Variants in DNAJC1 observed in about 807,000 individuals in gnomAD.
DNAJC1 encodes dnaJ homolog subfamily C member 1.
DNAJC1 carries 58 observed loss-of-function variants against 76.6 expected under a neutral mutation model. The ratio of observed to expected loss-of-function variants is 0.76; its 90% CI spans 0.61 to 0.94. DNAJC1 has a LOEUF of 0.94. DNAJC1 is among the 40% of genes least tolerant of loss of function. The pLI, the probability that DNAJC1 is intolerant of heterozygous loss-of-function variation, is 0.00. For missense variants in DNAJC1, 689 were observed against 677.3 expected, an observed-to-expected ratio of 1.02 and a Z score of -0.19; for synonymous variants, 258 against 267.9, an observed-to-expected ratio of 0.96 and a Z score of 0.36.
chr10:21,967,853 G>C (rs551700099), intron 1 of DNAJC1, among the ~76,000 whole-genome samples: 37 of 152,254 alleles, frequency 2.4e-4, no homozygotes, highest in Admixed American at 2.2e-3. Flanking sequence ...AAACACAAAG[G>C]TGTCACACAT....
At chr10:21,836,175 C>A (rs1430843389) in intron 8 of DNAJC1, among the ~76,000 whole-genome samples, 1 of 152,224 alleles carries the variant, frequency 6.6e-6, no homozygotes, top group African/African-American at 2.4e-5. Context: ...CAATATTCGA[C>A]ATTCTTAAAG....
chr10:21,785,759 G>A (rs1387780028), intron 9 of DNAJC1, among the ~76,000 whole-genome samples: 3 of 152,216 alleles, frequency 2.0e-5, no homozygotes, highest in African/African-American at 7.2e-5. Context: ...GGTTAATCTG[G>A]AAGAGAGAAA....
intron 1 of DNAJC1, among the ~76,000 whole-genome samples, chr10:21,939,760 A>C (rs1837373225): frequency 6.6e-6 from 1 of 152,128 alleles, no homozygotes; most frequent in Non-Finnish European, 1.5e-5. Context: ...CCCATCATTA[A>C]GCAGTACTTG....
intron 8 of DNAJC1, among the ~76,000 whole-genome samples, chr10:21,828,935 TG>T (rs1197034515): frequency 6.6e-6 from 1 of 152,218 alleles, no homozygotes; most frequent in East Asian, 1.9e-4. Context: ...CTTGAAAGTG[TG>T]GTAATTGTGT....
At chr10:21,951,690 T>C (rs1837597397) in intron 1 of DNAJC1, among the ~76,000 whole-genome samples, 1 of 152,194 alleles carries the variant, frequency 6.6e-6, no homozygotes, top group Admixed American at 6.5e-5. Flanking sequence ...ATTTATTTCA[T>C]TAGTAACTAC....
chr10:21,942,675 G>A (rs1172951763), intron 1 of DNAJC1, among the ~76,000 whole-genome samples: 5 of 151,658 alleles, frequency 3.3e-5, no homozygotes, highest in African/African-American at 9.7e-5. Flanking sequence ...GTGTGGCGGC[G>A]TGTGCCAGTA....
chr10:21,831,034 C>A (rs1312515191), intron 8 of DNAJC1, among the ~76,000 whole-genome samples: 2 of 151,940 alleles, frequency 1.3e-5, no homozygotes, highest in African/African-American at 4.8e-5. Context: ...TGCCAATTTT[C>A]TTCTTTGTTG....
chr10:21,960,509 A>G (rs1416834149), intron 1 of DNAJC1, among the ~76,000 whole-genome samples: 1 of 152,086 alleles, frequency 6.6e-6, no homozygotes, highest in Non-Finnish European at 1.5e-5. Context: ...CCCAGGAGTT[A>G]AAGACCAGCC....
At chr10:21,837,240 T>G (rs1360558387) in intron 8 of DNAJC1, among the ~76,000 whole-genome samples, 1 of 152,184 alleles carries the variant, frequency 6.6e-6, no homozygotes, top group Non-Finnish European at 1.5e-5. Flanking sequence ...TGGAGTGCAG[T>G]GGCGTGATCT....
At chr10:21,935,168 G>A (rs1318707610) in intron 1 of DNAJC1, among the ~76,000 whole-genome samples, 1 of 152,062 alleles carries the variant, frequency 6.6e-6, no homozygotes, top group Admixed American at 6.6e-5. Flanking sequence ...TCCACATATT[G>A]CATTTACTAG....
At chr10:21,838,253 G>A (rs911061029) in intron 8 of DNAJC1, among the ~76,000 whole-genome samples, 5 of 152,262 alleles carry the variant, frequency 3.3e-5, no homozygotes, top group African/African-American at 1.2e-4. Flanking sequence ...AGTAGACATA[G>A]GAGACTCCAT....
At chr10:21,978,370 A>C (rs1406780426) in intron 1 of DNAJC1, among the ~76,000 whole-genome samples, 1 of 152,126 alleles carries the variant, frequency 6.6e-6, no homozygotes, top group East Asian at 1.9e-4. Context: ...AGAATTTGAA[A>C]GCCTCTCCTT....
chr10:21,847,986 T>C (rs748201900), intron 8 of DNAJC1, among the ~76,000 whole-genome samples: 7 of 152,296 alleles, frequency 4.6e-5, no homozygotes, highest in Admixed American at 1.3e-4. Flanking sequence ...AGCAAATGGA[T>C]TGCTAAATCG....
At chr10:21,991,065 C>T (rs1213977453) in intron 1 of DNAJC1, among the ~76,000 whole-genome samples, 3 of 152,078 alleles carry the variant, frequency 2.0e-5, no homozygotes, top group Admixed American at 6.6e-5. Context: ...AATAGAAATG[C>T]ACCTAGCAAT....
At chr10:21,834,622 T>G (rs941885774) in intron 8 of DNAJC1, among the ~76,000 whole-genome samples, 2 of 152,166 alleles carry the variant, frequency 1.3e-5, no homozygotes, top group African/African-American at 2.4e-5. Context: ...ACTCCCACCC[T>G]AATACTGCAC....
chr10:21,761,060 A>G (rs1834234619), intron 10 of DNAJC1, among the ~76,000 whole-genome samples: 1 of 152,130 alleles, frequency 6.6e-6, no homozygotes, highest in South Asian at 2.1e-4. Context: ...CATGCCTGTC[A>G]TCCCAACTAC....
chr10:21,794,284 A>AG (rs1362312361), intron 9 of DNAJC1, among the ~76,000 whole-genome samples: 24 of 149,610 alleles, frequency 1.6e-4, no homozygotes, highest in African/African-American at 3.9e-4. Flanking sequence ...AAAAAAAAAA[A>AG]AGAGAGAGAG....
intron 1 of DNAJC1, among the ~76,000 whole-genome samples, chr10:21,946,598 T>C (rs1837509705): frequency 1.3e-5 from 2 of 151,972 alleles, no homozygotes; most frequent in Non-Finnish European, 2.9e-5. Context: ...TTGAAAACGG[T>C]TTGGCAGTAT....
rs1224498974 is a variant in DNAJC1 at position 21,756,713 on chromosome 10, G to T, written c.1639C>A (p.Gln547Lys). 3 of 1,613,186 alleles carry T rather than the reference G, an allele frequency of 1.9e-6. No homozygotes were observed. The highest frequency in any genetic ancestry group is 1.7e-5 in the Admixed American group (1 of 60,000). The change falls in exon 12 of 12, where the codon CAA becomes AAA. Residue 547 changes from glutamine to lysine, a missense_variant. Coordinates refer to ENST00000376980, the MANE Select transcript of DNAJC1 (RefSeq NM_022365.4). Reference sequence around the variant, plus strand: ...CAGCTTTTAGCTTGTTTTTTCTTTTGGACCAGTTCAACCAGCAACTTGTAC... The same window carrying T: ...CAGCTTTTAGCTTGTTTTTTCTTTTTGACCAGTTCAACCAGCAACTTGTAC... ...ARYKLLVELVQKKKQAKS is the reference protein window; with the variant it reads ...ARYKLLVELVKKKKQAKS
Sources: allele counts gnomAD v4.1 joint callset (sites outside exome capture counted in the v4.1 genomes callset), GRCh38; gene constraint gnomAD v4.1.1; transcripts MANE v1.5; gene names NCBI Gene and HGNC (gene_info 2026-07-23, HGNC 2026-07-21).